The following CFAP54 variants were observed in gnomAD, a reference collection of about 807,000 sequenced individuals.
CFAP54 encodes cilia- and flagella-associated protein 54.
In CFAP54, 290 loss-of-function variants were observed where a neutral mutation model predicts 370.4. The ratio of observed to expected loss-of-function variants is 0.78; its 90% CI spans 0.71 to 0.86. The LOEUF (loss-of-function observed/expected upper bound fraction) is 0.86, where lower values mean the gene tolerates loss of function less well. CFAP54 is among the 40% of genes least tolerant of loss of function. The probability of loss-of-function intolerance (pLI) is 0.00; values close to 1 mark genes in which losing one functional copy is unlikely to be tolerated. For synonymous variants in CFAP54, 1,206 were observed against 1,236.5 expected (o/e 0.98, Z 0.52); for missense variants, 3,399 against 3,528.7 (o/e 0.96, Z 0.93).
intron 5 of CFAP54, among the ~76,000 whole-genome samples, chr12:96,514,977 C>T (rs954868855): frequency 4.6e-5 from 7 of 150,956 alleles, no homozygotes; most frequent in Admixed American, 1.3e-4. Context: ...AAACTTAAAT[C>T]GCCTGTAAAA....
chr12:96,786,781 T>C lies in CFAP54; in HGVS notation c.8562T>C (p.Leu2854=). 6.5e-7 allele frequency: 1 copy of C among 1,535,600 alleles called. No homozygotes were observed. Among genetic ancestry groups the C allele is most frequent in the Non-Finnish European group, 8.7e-7 (1 of 1,146,430 alleles). ...ILRQKEVHFF[L]KKFLQLYSSS... The stretch of plus-strand genomic sequence containing the variant: ...GCCAGAAAGAAGTGCATTTTTTCCT[T>C]AAAAAATTCTTACAGCTGTATTCTT... Residue 2854 remains leucine, a synonymous_variant, in exon 62 of 68, where the codon CTT becomes CTC. Transcript: ENST00000524981.
At chr12:96,810,381 C>CTCTTA (rs1411006908) in intron 63 of CFAP54, among the ~76,000 whole-genome samples, 3 of 152,032 alleles carry the variant, frequency 2.0e-5, no homozygotes, top group Non-Finnish European at 4.4e-5. Flanking sequence ...AATACCTTTA[C>CTCTTA]TCTTATCTTA....
chr12:96,543,884 G>A (rs766512862), intron 14 of CFAP54, among the ~76,000 whole-genome samples: 10 of 152,150 alleles, frequency 6.6e-5, no homozygotes, highest in Non-Finnish European at 1.2e-4. Context: ...GGCTATCAGA[G>A]GTATCACTCA....
intron 32 of CFAP54, among the ~76,000 whole-genome samples, chr12:96,631,447 A>G (rs1315265925): frequency 2.7e-5 from 4 of 150,432 alleles, no homozygotes; most frequent in Non-Finnish European, 6.0e-5. Flanking sequence ...CAAATAATGC[A>G]TGCTGTAATT....
At chr12:96,860,751 G>GAA in intron 66 of CFAP54, 68 bp from the exon 67 acceptor site, 1 of 1,394,072 alleles carries the variant, frequency 7.2e-7, no homozygotes, top group Non-Finnish European at 9.4e-7. Context: ...TGCTATTTGG[G>GAA]TATTTTGAGA....
intron 50 of CFAP54, among the ~76,000 whole-genome samples, chr12:96,739,285 A>G (rs1452901388): frequency 2.0e-5 from 3 of 152,160 alleles, no homozygotes; most frequent in Admixed American, 1.3e-4. Context: ...TATATCATTA[A>G]AATATTTTGA....
intron 60 of CFAP54, among the ~76,000 whole-genome samples, chr12:96,776,911 T>G (rs554118835): frequency 7.0e-4 from 107 of 152,372 alleles, no homozygotes; most frequent in Non-Finnish European, 1.1e-3. Context: ...ATCACCACAA[T>G]TCCTATCAGA....
At chr12:96,688,880 T>C in intron 42 of CFAP54, 36 bp from the exon 43 acceptor site, 1 of 1,313,618 alleles carries the variant, frequency 7.6e-7, no homozygotes, top group Non-Finnish European at 1.1e-6. Flanking sequence ...TTGGAAAATT[T>C]CTACTAATCA....
intron 65 of CFAP54, among the ~76,000 whole-genome samples, chr12:96,825,690 C>T (rs371972271): frequency 1.4e-4 from 17 of 119,392 alleles, no homozygotes; most frequent in East Asian, 4.8e-4. Context: ...TAACATATCA[C>T]GATATATATT....
Position 96,718,171 on chromosome 12 carries a change from C to A in CFAP54, c.6725-272C>A, listed in dbSNP as rs968475582. ...CTCAGGAGTTCAAGACTAGCCTGGG[C>A]AACATAGTGAAACCCCATCTCTACA... is the stretch of plus-strand genomic sequence containing the variant. On this transcript the variant is annotated intron_variant, in intron 48 of 67. Transcript: ENST00000524981. 3.3e-5 allele frequency among the ~76,000 whole-genome samples: 5 copies of A among 151,958 alleles called. No homozygotes were observed. In the East Asian group the frequency reaches 5.8e-4, roughly 18 times the overall value.
Position 96,756,497 on chromosome 12 carries a change from C to T in CFAP54, c.7880C>T (p.Pro2627Leu). ...CAAATACTAATGGAAGAGAAATCTC[C>T]AAGTTTTCAACTTGAGAGTTTATAT... Reference protein sequence around the residue: ...ERQILMEEKSPSFQLESLYEA... With the variant: ...ERQILMEEKSLSFQLESLYEA... Residue 2627 changes from proline to leucine, a missense_variant, in exon 57 of 68, where the codon CCA (proline) becomes CTA (leucine). Physicochemically the swap from Pro to Leu is moderately conservative, Grantham distance 98. Transcript: ENST00000524981. The T allele has an allele frequency of 6.2e-7, 1 of 1,603,198 alleles. No homozygotes were observed.
chr12:96,771,685 A>C (rs76107732), intron 60 of CFAP54, among the ~76,000 whole-genome samples: 1,600 of 152,206 alleles, frequency 0.011, 26 homozygotes, highest in African/African-American at 0.034. Context: ...AAAACAACAA[A>C]AAAAAACCCC....
At chr12:96,598,496 C>CT in intron 25 of CFAP54, 149 bp from the exon 26 acceptor site, 1 of 410,124 alleles carries the variant, frequency 2.4e-6, no homozygotes, top group Non-Finnish European at 4.3e-6. Context: ...TCAGTGTACT[C>CT]TCCTTTATTC....
At chr12:96,621,299 A>G (rs1395439067) in intron 26 of CFAP54, among the ~76,000 whole-genome samples, 1 of 152,204 alleles carries the variant, frequency 6.6e-6, no homozygotes, top group Admixed American at 6.5e-5. Context: ...CTTAATAGTT[A>G]ACTCACTGTA....
intron 47 of CFAP54, among the ~76,000 whole-genome samples, chr12:96,706,492 G>A (rs1957548924): frequency 6.6e-6 from 1 of 152,160 alleles, no homozygotes; most frequent in Admixed American, 6.5e-5. Context: ...GGACATCCAA[G>A]CCAGTGTGGC....
chr12:96,566,443 ATGACAGCAGAATATTTG>A (rs1376257659), intron 19 of CFAP54, among the ~76,000 whole-genome samples: 5 of 152,196 alleles, frequency 3.3e-5, no homozygotes, highest in Non-Finnish European at 7.3e-5. Flanking sequence ...GGTGTTCTTA[ATGACAGCAGAATATTTG>A]TGACAGCAGA....
intron 48 of CFAP54, among the ~76,000 whole-genome samples, chr12:96,713,125 A>G (rs1354165211): frequency 1.3e-5 from 2 of 152,176 alleles, no homozygotes; most frequent in Admixed American, 6.6e-5. Context: ...TGAAAACAGT[A>G]TGGTCATTCC....
intron 64 of CFAP54, among the ~76,000 whole-genome samples, chr12:96,815,330 T>G (rs1565988142): frequency 6.6e-6 from 1 of 152,232 alleles, no homozygotes. Context: ...TTTTCATATG[T>G]TTGTTGGCTG....
At chr12:96,808,966 C>G (rs1446933406) in intron 63 of CFAP54, among the ~76,000 whole-genome samples, 4 of 152,148 alleles carry the variant, frequency 2.6e-5, no homozygotes, top group African/African-American at 9.7e-5. Context: ...ATGCTTAATT[C>G]ATTGTTTTCT....
Sources: gnomAD v4.1 joint callset for allele counts (sites outside exome capture counted in the v4.1 genomes callset) on GRCh38, gnomAD v4.1.1 for gene constraint, MANE v1.5 for transcripts, NCBI Gene and HGNC (gene_info 2026-07-23, HGNC 2026-07-21) for gene names.